The following CNTN3 variants were observed in gnomAD, a reference collection of about 807,000 sequenced individuals.
The protein encoded by CNTN3 is contactin-3.
A neutral mutation model predicts 119.1 loss-of-function variants in CNTN3; 60 were observed. The observed-to-expected ratio is 0.50, with a 90% CI of 0.41 to 0.62. The LOEUF is 0.62. CNTN3 is among the 20% of genes least tolerant of loss of function. CNTN3 has a pLI of 0.00. For missense variants in CNTN3, 1,101 were observed against 1,242.4 expected (o/e 0.89, Z 1.71); for synonymous variants, 450 against 438.7 (o/e 1.03, Z -0.32).
intron 1 of CNTN3, among the ~76,000 whole-genome samples, chr3:74,566,643 T>A (rs1704230087): frequency 6.6e-6 from 1 of 152,158 alleles, no homozygotes; most frequent in African/African-American, 2.4e-5. Flanking sequence ...GAGACACCAG[T>A]CATTGGGTGT....
chr3:74,312,853 A>AT (rs1436725742), intron 13 of CNTN3, among the ~76,000 whole-genome samples: 2 of 152,222 alleles, frequency 1.3e-5, no homozygotes, highest in African/African-American at 4.8e-5. Context: ...AGAGTAAGAT[A>AT]TAGCAGGAAT....
chr3:74,458,039 T>C (rs1702301418), intron 4 of CNTN3, among the ~76,000 whole-genome samples: 1 of 151,878 alleles, frequency 6.6e-6, no homozygotes. Context: ...TGAAGCAGGG[T>C]AAATAGGTGA....
chr3:74,400,869 T>A (rs1477621785), intron 5 of CNTN3, among the ~76,000 whole-genome samples: 1 of 152,182 alleles, frequency 6.6e-6, no homozygotes, highest in Admixed American at 6.5e-5. Flanking sequence ...TAAGGATTGA[T>A]TTGCACACCA....
intron 5 of CNTN3, among the ~76,000 whole-genome samples, chr3:74,387,542 G>GGT (rs1704781314): frequency 6.6e-6 from 1 of 152,160 alleles, no homozygotes; most frequent in Non-Finnish European, 1.5e-5. Flanking sequence ...ATGAAGGCAG[G>GGT]GGTTCACAGT....
At chr3:74,535,897 C>G (rs1427642224) in intron 1 of CNTN3, among the ~76,000 whole-genome samples, 3 of 152,060 alleles carry the variant, frequency 2.0e-5, no homozygotes, top group Non-Finnish European at 4.4e-5. Context: ...AACCTCTAAC[C>G]AAAATGTATT....
At chr3:74,401,795 CA>C (rs1429927197) in intron 5 of CNTN3, among the ~76,000 whole-genome samples, 2 of 152,112 alleles carry the variant, frequency 1.3e-5, no homozygotes, top group African/African-American at 4.8e-5. Flanking sequence ...ACATTTCCCC[CA>C]CTCTCACCTC....
chr3:74,578,827 C>T (rs1333116350), intron 1 of CNTN3, among the ~76,000 whole-genome samples: 3 of 151,880 alleles, frequency 2.0e-5, no homozygotes, highest in Admixed American at 6.6e-5. Flanking sequence ...CTCACGTTCC[C>T]TGAAATACTG....
chr3:74,465,942 C>A (rs930195762), intron 4 of CNTN3, among the ~76,000 whole-genome samples: 1 of 152,102 alleles, frequency 6.6e-6, no homozygotes, highest in Non-Finnish European at 1.5e-5. Flanking sequence ...TGGAGAGATA[C>A]CAAGGCCTGA....
At chr3:74,440,585 A>G (rs1701947028) in intron 4 of CNTN3, among the ~76,000 whole-genome samples, 1 of 152,160 alleles carries the variant, frequency 6.6e-6, no homozygotes, top group African/African-American at 2.4e-5. Context: ...GGTGGATTGA[A>G]CCAATTGTGG....
intron 1 of CNTN3, among the ~76,000 whole-genome samples, chr3:74,567,552 T>C (rs1472689502): frequency 6.6e-6 from 1 of 152,086 alleles, no homozygotes; most frequent in Non-Finnish European, 1.5e-5. Flanking sequence ...CATACCACTT[T>C]AAGCACTAGA....
intron 1 of CNTN3, among the ~76,000 whole-genome samples, chr3:74,595,948 C>G (rs1414571407): frequency 1.3e-5 from 2 of 151,830 alleles, no homozygotes; most frequent in East Asian, 3.9e-4. Flanking sequence ...ACCCCATTGT[C>G]TCAGCCCAAA....
chr3:74,470,317 CA>C (rs1413198980), intron 4 of CNTN3, among the ~76,000 whole-genome samples: 1 of 152,116 alleles, frequency 6.6e-6, no homozygotes, highest in Non-Finnish European at 1.5e-5. Context: ...ATACTCTAAA[CA>C]GGGAATTACA....
At chr3:74,297,268 T>A (rs1702357748) in intron 18 of CNTN3, among the ~76,000 whole-genome samples, 1 of 152,150 alleles carries the variant, frequency 6.6e-6, no homozygotes, top group African/African-American at 2.4e-5. Flanking sequence ...CTTCACAAGC[T>A]GGAACGTAGG....
At chr3:74,545,069 A>G (rs1703895690) in intron 1 of CNTN3, among the ~76,000 whole-genome samples, 1 of 152,178 alleles carries the variant, frequency 6.6e-6, no homozygotes, top group African/African-American at 2.4e-5. Flanking sequence ...AATGCTTCAA[A>G]TACTCTCTAG....
At chr3:74,344,868 TACAC>T (rs59061088) in intron 11 of CNTN3, among the ~76,000 whole-genome samples, 292 of 148,830 alleles carry the variant, frequency 2.0e-3, no homozygotes, top group South Asian at 3.2e-3. Flanking sequence ...TGTATACGTA[TACAC>T]ACACACACAC....
intron 6 of CNTN3, among the ~76,000 whole-genome samples, chr3:74,370,908 G>GTCT (rs1704319685): frequency 1.3e-5 from 2 of 152,070 alleles, no homozygotes; most frequent in Non-Finnish European, 2.9e-5. Flanking sequence ...CTTGGTATAA[G>GTCT]TCTTTGCCAT....
intron 2 of CNTN3, among the ~76,000 whole-genome samples, chr3:74,512,650 C>T (rs1703386476): frequency 8.4e-6 from 1 of 118,804 alleles, no homozygotes; most frequent in Admixed American, 1.2e-4. Context: ...AAATAATGGC[C>T]ATAGCACTGA....
intron 19 of CNTN3, among the ~76,000 whole-genome samples, chr3:74,288,150 T>TTTTTC (rs1559682683): frequency 2.5e-5 from 2 of 79,804 alleles, no homozygotes; most frequent in Non-Finnish European, 5.8e-5. Context: ...TTTTCTTTTC[T>TTTTTC]TTTCTTTTCT....
At chr3:74,577,585 C>T (rs1704438728) in intron 1 of CNTN3, among the ~76,000 whole-genome samples, 1 of 152,080 alleles carries the variant, frequency 6.6e-6, no homozygotes, top group Non-Finnish European at 1.5e-5. Flanking sequence ...TTCTCGGTAA[C>T]ATCCATATGT....
Sources: allele counts gnomAD v4.1 joint callset (sites outside exome capture counted in the v4.1 genomes callset), GRCh38; gene constraint gnomAD v4.1.1; transcripts MANE v1.5; gene names NCBI Gene and HGNC (gene_info 2026-07-23, HGNC 2026-07-21).